Variants in KCNK2 observed in about 807,000 individuals in gnomAD.
The protein encoded by KCNK2 is potassium channel subfamily K member 2.
KCNK2 carries 21 observed loss-of-function variants against 40.5 expected under a neutral mutation model. The observed-to-expected ratio is 0.52, with a 90% CI of 0.37 to 0.75. KCNK2 has a LOEUF of 0.75. Among genes scored for constraint, KCNK2 ranks in the 30% least tolerant of loss-of-function variants. The pLI is 0.00. For missense variants in KCNK2, 399 were observed against 531.6 expected (o/e 0.75, Z 2.45); for synonymous variants, 191 against 202.2 (o/e 0.94, Z 0.47).
In KCNK2 at chr1:215,221,329, G is replaced by A. The variant is rs556435381; in HGVS notation, c.964-13499G>A. Among the ~76,000 whole-genome samples, 8 of 152,186 alleles carry A rather than the reference G, an allele frequency of 5.3e-5. No homozygotes were observed. In the South Asian group the frequency reaches 6.2e-4, roughly 12 times the overall value. On this transcript the variant is annotated intron_variant, in intron 6 of 6. Transcript: ENST00000444842. ...GCGGAGGTTGCAGTGAGCTGAGATCGCGCCACTACACTCCAGCCTGGGCAA... is the reference window on the plus strand; with the variant it reads ...GCGGAGGTTGCAGTGAGCTGAGATCACGCCACTACACTCCAGCCTGGGCAA...
intron 1 of KCNK2, among the ~76,000 whole-genome samples, chr1:215,064,278 A>G (rs533278349): frequency 6.6e-6 from 1 of 152,114 alleles, no homozygotes; most frequent in African/African-American, 2.4e-5. Flanking sequence ...TTCATTTTCA[A>G]CAATTTTTTG....
intron 1 of KCNK2, among the ~76,000 whole-genome samples, chr1:215,014,598 C>A (rs1385194722): frequency 1.3e-5 from 2 of 151,880 alleles, no homozygotes; most frequent in Non-Finnish European, 2.9e-5. Flanking sequence ...CATAATTGAT[C>A]AAGTTTAATG....
chr1:215,008,538 T>G (rs1462310684), intron 1 of KCNK2, among the ~76,000 whole-genome samples: 14 of 152,150 alleles, frequency 9.2e-5, no homozygotes. Context: ...AGACTGTGGT[T>G]CCCCATATAT....
intron 1 of KCNK2, among the ~76,000 whole-genome samples, chr1:215,057,541 T>A (rs1658211708): frequency 6.6e-6 from 1 of 152,194 alleles, no homozygotes; most frequent in African/African-American, 2.4e-5. Flanking sequence ...TACAGTGACC[T>A]GCTTTTATGT....
Position 215,088,220 on chromosome 1 carries a change from T to C in KCNK2, c.357+1542T>C, listed in dbSNP as rs143209313. 8.0e-3 allele frequency among the ~76,000 whole-genome samples: 1,223 copies of C among 152,268 alleles called. 10 individuals are homozygous for C. Among genetic ancestry groups the C allele is most frequent in the South Asian group, 0.015 (70 of 4,814 alleles). ...TCCCTCGGTTTCTGAAGAAGAGCTC[T>C]TGGATATCTTGGTGGAGGCAGCATG... On this transcript the variant is annotated intron_variant, in intron 2 of 6. Transcript: ENST00000444842.
chr1:215,047,425 A>C (rs1378002571), intron 1 of KCNK2, among the ~76,000 whole-genome samples: 1 of 152,076 alleles, frequency 6.6e-6, no homozygotes, highest in East Asian at 1.9e-4. Flanking sequence ...TAGGAACTGA[A>C]GTTTCGAGAG....
intron 6 of KCNK2, among the ~76,000 whole-genome samples, chr1:215,203,888 A>AT (rs1665186797): frequency 6.6e-6 from 1 of 151,888 alleles, no homozygotes; most frequent in African/African-American, 2.4e-5. Context: ...AACACAAAAA[A>AT]TTAGCCGGGT....
intron 3 of KCNK2, among the ~76,000 whole-genome samples, chr1:215,143,417 A>T (rs921496185): frequency 6.6e-6 from 1 of 152,184 alleles, no homozygotes; most frequent in African/African-American, 2.4e-5. Flanking sequence ...CAGAAAAATT[A>T]TGGCATTAGA....
chr1:215,093,464 A>C (rs1659788115), intron 2 of KCNK2, among the ~76,000 whole-genome samples: 1 of 117,900 alleles, frequency 8.5e-6, no homozygotes, highest in Non-Finnish European at 1.6e-5. Context: ...ATAATATATA[A>C]TGTACATATA....
Position 215,230,539 on chromosome 1 carries a change from A to ATC in KCNK2, c.964-4288_964-4287insCT, listed in dbSNP as rs1666609696. On this transcript the variant is annotated intron_variant, in intron 6 of 6. Coordinates refer to ENST00000444842, the MANE Select transcript of KCNK2 (RefSeq NM_001017425.3). ...TATATATATATATATATATGTATATATATACACACACATAACAGCCATATA... is the reference window on the plus strand; with the variant it reads ...TATATATATATATATATATGTATATATCTATACACACACATAACAGCCATATA... Among the ~76,000 whole-genome samples the ATC allele has an allele frequency of 8.1e-5, 8 of 98,616 alleles. 1 individual carries two copies. The South Asian group carries it at 2.0e-3, about 24-fold the overall frequency. 64.7% of individuals were successfully genotyped at this position (98,616 alleles called of 152,430 possible).
intron 6 of KCNK2, among the ~76,000 whole-genome samples, chr1:215,220,981 A>T (rs1666147305): frequency 6.6e-6 from 1 of 152,208 alleles, no homozygotes; most frequent in Non-Finnish European, 1.5e-5. Context: ...CATTGTCCTG[A>T]CAAATAACAA....
intron 3 of KCNK2, among the ~76,000 whole-genome samples, chr1:215,158,689 A>G (rs1365085681): frequency 6.6e-6 from 1 of 152,194 alleles, no homozygotes; most frequent in African/African-American, 2.4e-5. Flanking sequence ...TATGAATATG[A>G]CTGTAGAGAC....
At chr1:215,110,338 A>G (rs1660625318) in intron 2 of KCNK2, among the ~76,000 whole-genome samples, 1 of 151,954 alleles carries the variant, frequency 6.6e-6, no homozygotes, top group African/African-American at 2.4e-5. Flanking sequence ...GTAGTTTTAT[A>G]ATTTTAGGTC....
intron 1 of KCNK2, among the ~76,000 whole-genome samples, chr1:215,036,022 A>T (rs533967738): frequency 1.2e-4 from 18 of 151,942 alleles, no homozygotes; most frequent in African/African-American, 4.3e-4. Flanking sequence ...GATATGCAGA[A>T]GGTTTTAATT....
chr1:215,230,884 CA>C (rs1302094435), intron 6 of KCNK2, among the ~76,000 whole-genome samples: 1 of 151,896 alleles, frequency 6.6e-6, no homozygotes, highest in African/African-American at 2.4e-5. Context: ...CAAAATTAGA[CA>C]AAAATACCAG....
chr1:215,196,492 T>G (rs1664871726), intron 6 of KCNK2, among the ~76,000 whole-genome samples: 1 of 152,216 alleles, frequency 6.6e-6, no homozygotes, highest in African/African-American at 2.4e-5. Flanking sequence ...AATTGGGAAT[T>G]TACTTATTCA....
chr1:215,199,198 C>G (rs1158061103), intron 6 of KCNK2, among the ~76,000 whole-genome samples: 1 of 151,876 alleles, frequency 6.6e-6, no homozygotes, highest in Non-Finnish European at 1.5e-5. Flanking sequence ...GTCCCAGCTA[C>G]TCAGGAGGCT....
intron 2 of KCNK2, among the ~76,000 whole-genome samples, chr1:215,094,292 A>G (rs192611972): frequency 1.3e-5 from 2 of 152,188 alleles, no homozygotes; most frequent in African/African-American, 4.8e-5. Flanking sequence ...ATGTCTAAAC[A>G]TCCCATAAAT....
intron 2 of KCNK2, among the ~76,000 whole-genome samples, chr1:215,090,571 A>AT (rs780266333): frequency 6.6e-6 from 1 of 152,184 alleles, no homozygotes; most frequent in Non-Finnish European, 1.5e-5. Context: ...GCATTTTCCC[A>AT]TTTAAATGTG....
Sources: allele counts gnomAD v4.1 joint callset (sites outside exome capture counted in the v4.1 genomes callset), GRCh38; gene constraint gnomAD v4.1.1; transcripts MANE v1.5; gene names NCBI Gene and HGNC (gene_info 2026-07-23, HGNC 2026-07-21).